Variants in BMPR1B observed in about 807,000 individuals in gnomAD.
BMPR1B encodes bone morphogenetic protein receptor type-1B.
A neutral mutation model predicts 59.1 loss-of-function variants in BMPR1B; 12 were observed. The observed-to-expected ratio is 0.20, with a 90% CI of 0.13 to 0.33. The LOEUF is 0.33. Among genes scored for constraint, BMPR1B ranks in the 10% least tolerant of loss-of-function variants. BMPR1B has a pLI of 1.00. For synonymous variants in BMPR1B, 237 were observed against 207.3 expected (o/e 1.14, Z -1.23); for missense variants, 550 against 610.9 (o/e 0.90, Z 1.05).
chr4:94,816,515 G>C (rs1464016256), intron 1 of BMPR1B, among the ~76,000 whole-genome samples: 2 of 152,100 alleles, frequency 1.3e-5, no homozygotes, highest in East Asian at 3.8e-4. Context: ...TCTTCACTCT[G>C]TTTGGAATTT....
chr4:94,775,907 C>T (rs781710615), intron 1 of BMPR1B, among the ~76,000 whole-genome samples: 4 of 152,114 alleles, frequency 2.6e-5, no homozygotes, highest in Non-Finnish European at 4.4e-5. Flanking sequence ...CTGGCTAACA[C>T]GGTGAAACCC....
intron 2 of BMPR1B, among the ~76,000 whole-genome samples, chr4:94,955,780 C>T (rs1253676415): frequency 1.3e-5 from 2 of 151,988 alleles, no homozygotes; most frequent in African/African-American, 4.8e-5. Context: ...AGGTGCACGC[C>T]CCCACACCCG....
chr4:95,154,862 T>C lies in BMPR1B; in HGVS notation c.*189T>C, dbSNP rs951527816. 5 of 735,828 alleles carry C rather than the reference T, an allele frequency of 6.8e-6. No individual in the cohort carries two copies. Among genetic ancestry groups the C allele is most frequent in the Non-Finnish European group, 1.1e-5 (5 of 452,338 alleles). 45.6% of individuals were successfully genotyped at this position (735,828 alleles called of 1,614,324 possible). A position where few individuals can be genotyped will look rare whatever the true frequency, so the allele number is the denominator to read the frequency against. On this transcript the variant is annotated 3_prime_UTR_variant, in exon 13 of 13. Coordinates refer to ENST00000515059, the MANE Select transcript of BMPR1B (RefSeq NM_001203.3). ...ACAGAGAAGCTCCCAGAAGGAGAGA[T>C]TGATCCATGTCTGTTTGTAGGACGG...
chr4:94,781,992 C>T (rs1722608609), intron 1 of BMPR1B, among the ~76,000 whole-genome samples: 2 of 144,878 alleles, frequency 1.4e-5, no homozygotes, highest in Non-Finnish European at 3.1e-5. Context: ...GTTTATTCTG[C>T]TTGGAATTTG....
chr4:94,883,737 A>G (rs1727067709), intron 2 of BMPR1B, among the ~76,000 whole-genome samples: 2 of 152,160 alleles, frequency 1.3e-5, no homozygotes, highest in Admixed American at 6.5e-5. Flanking sequence ...CAGTTAAGCT[A>G]TTGTTAGACT....
chr4:94,972,854 C>T (rs1255723705), intron 2 of BMPR1B, among the ~76,000 whole-genome samples: 2 of 152,154 alleles, frequency 1.3e-5, no homozygotes, highest in Admixed American at 6.5e-5. Flanking sequence ...ATTTTCTTGA[C>T]ACCTTCAAGG....
chr4:95,013,221 T>C (rs1366223736), intron 3 of BMPR1B, among the ~76,000 whole-genome samples: 2 of 140,464 alleles, frequency 1.4e-5, no homozygotes, highest in Admixed American at 6.8e-5. Flanking sequence ...CTGTCTAATT[T>C]GATTATGTAA....
intron 3 of BMPR1B, chr4:95,051,722 A>T: frequency 6.5e-7 from 1 of 1,535,568 alleles, no homozygotes; most frequent in Middle Eastern, 1.7e-4. Context: ...GAAGAACTAA[A>T]CTGGCAGCTT....
chr4:95,058,223 A>T (rs1727076663), intron 3 of BMPR1B, among the ~76,000 whole-genome samples: 1 of 152,228 alleles, frequency 6.6e-6, no homozygotes. Context: ...TACATCGTTC[A>T]TTCAATCAGA....
chr4:94,841,599 C>G (rs181565316), intron 1 of BMPR1B, among the ~76,000 whole-genome samples: 65 of 152,280 alleles, frequency 4.3e-4, no homozygotes, highest in African/African-American at 1.5e-3. Context: ...CCGAGTGAGG[C>G]AATGCCTCAC....
intron 1 of BMPR1B, among the ~76,000 whole-genome samples, chr4:94,786,250 T>C (rs1195677008): frequency 6.6e-6 from 1 of 152,192 alleles, no homozygotes; most frequent in East Asian, 1.9e-4. Flanking sequence ...GAATTACATG[T>C]TCTAGCAAGG....
intron 1 of BMPR1B, among the ~76,000 whole-genome samples, chr4:94,789,110 G>T (rs545663730): frequency 6.6e-6 from 1 of 152,322 alleles, no homozygotes; most frequent in Admixed American, 6.5e-5. Context: ...CAACCTGGAA[G>T]TAAGAGGAGG....
intron 2 of BMPR1B, among the ~76,000 whole-genome samples, chr4:94,961,748 C>T (rs1466885653): frequency 2.0e-5 from 3 of 152,160 alleles, no homozygotes; most frequent in African/African-American, 7.2e-5. Flanking sequence ...AGTGTGCTAA[C>T]ATTATTTCCT....
chr4:94,845,737 T>C (rs1372162417), intron 1 of BMPR1B, among the ~76,000 whole-genome samples: 2 of 152,226 alleles, frequency 1.3e-5, no homozygotes, highest in African/African-American at 4.8e-5. Context: ...TTATCTCTTA[T>C]TTATATCTTC....
At chr4:95,053,281 TTG>T (rs60404669) in intron 3 of BMPR1B, among the ~76,000 whole-genome samples, 4,825 of 134,264 alleles carry the variant, frequency 0.036, 152 homozygotes, top group African/African-American at 0.09. Flanking sequence ...TGCAGGGCAC[TTG>T]TGTGTGTGTG....
chr4:95,015,857 T>A, intron 3 of BMPR1B, among the ~76,000 whole-genome samples: 1 of 152,138 alleles, frequency 6.6e-6, no homozygotes, highest in South Asian at 2.1e-4. Context: ...CACGCCCAGC[T>A]CATTTTTGTA....
At chr4:94,843,595 TAATC>T (rs1394899758) in intron 1 of BMPR1B, among the ~76,000 whole-genome samples, 2 of 152,224 alleles carry the variant, frequency 1.3e-5, no homozygotes, top group African/African-American at 2.4e-5. Context: ...TTATTTTAGT[TAATC>T]AAGGTATTGA....
intron 1 of BMPR1B, among the ~76,000 whole-genome samples, chr4:94,759,220 G>A (rs1340513992): frequency 6.6e-6 from 1 of 152,220 alleles, no homozygotes; most frequent in Admixed American, 6.5e-5. Context: ...GCAAGGTGAG[G>A]TCAGTGACTA....
intron 1 of BMPR1B, among the ~76,000 whole-genome samples, chr4:94,803,919 C>A (rs1197066326): frequency 6.6e-6 from 1 of 152,080 alleles, no homozygotes; most frequent in African/African-American, 2.4e-5. Context: ...TGCTCTGTTG[C>A]CTAGGCTGGA....
Sources: gnomAD v4.1 joint callset for allele counts (sites outside exome capture counted in the v4.1 genomes callset) on GRCh38, gnomAD v4.1.1 for gene constraint, MANE v1.5 for transcripts, NCBI Gene and HGNC (gene_info 2026-07-23, HGNC 2026-07-21) for gene names.